The following NOXA1 variants were observed in gnomAD, a reference collection of about 807,000 sequenced individuals.
The protein encoded by NOXA1 is NCF2-like protein.
Under a neutral mutation model 64.8 loss-of-function variants are expected in NOXA1, and 56 were observed. The observed-to-expected ratio is 0.86, with a 90% CI of 0.70 to 1.08. The LOEUF is 1.08. NOXA1 is among the 50% of genes least tolerant of loss of function. NOXA1 has a pLI of 0.00. For missense variants in NOXA1, 668 were observed against 658.5 expected (o/e 1.01, Z -0.16); for synonymous variants, 295 against 294.8 (o/e 1.00, Z -0.01).
intron 8 of NOXA1, among the ~76,000 whole-genome samples, chr9:137,432,805 G>A (rs1839168948): frequency 6.6e-6 from 1 of 152,132 alleles, no homozygotes; most frequent in South Asian, 2.1e-4. Context: ...CTTGGGGGAC[G>A]GGGCGCTCCC....
rs146657444 is a variant in NOXA1 at position 137,428,118 on chromosome 9, C to T, written c.346C>T (p.Arg116Trp). ...AAIDYTQLGLRFKLQAWEVLH... is the reference protein window; with the variant it reads ...AAIDYTQLGLWFKLQAWEVLH... ...CATCGACTACACGCAGCTGGGCCTG[C>T]GGTTCAAGCTGCAAGCCTGGGAGGT... The change falls in exon 3 of 14, where the codon CGG becomes TGG. Residue 116 changes from arginine (R) to tryptophan (W), a missense_variant. Transcript: ENST00000683555. 6,962 of 1,573,906 alleles carry T rather than the reference C, an allele frequency of 4.4e-3. 28 individuals are homozygous for T. Among genetic ancestry groups the T allele is most frequent in the Admixed American group, 0.01 (542 of 54,082 alleles).
In NOXA1 at chr9:137,431,217, G is replaced by GC. The variant is rs1399806180; in HGVS notation, c.699-17dup. 6.2e-7 allele frequency: 1 copy of GC among 1,609,314 alleles called. No individual in the cohort carries two copies. Among genetic ancestry groups the GC allele is most frequent in the African/African-American group, 1.3e-5 (1 of 74,864 alleles). On this transcript the variant is annotated intron_variant, in intron 7 of 13. Coordinates refer to ENST00000683555, the MANE Select transcript of NOXA1 (RefSeq NM_001256067.2). This position sits in a 1 kb window ranked among gnomAD's most constrained non-coding sequence, Gnocchi z 5.6. Reference sequence around the variant, plus strand: ...GCAGTCAGATGGGCAGGGCCTGAGAGCCTCCCTCCTCTCCCTAGGTCCCTA... The same window carrying GC: ...GCAGTCAGATGGGCAGGGCCTGAGAGCCCTCCCTCCTCTCCCTAGGTCCCTA...
intron 1 of NOXA1, 43 bp downstream of exon 1, chr9:137,423,749 C>G (rs1838684205): frequency 8.1e-7 from 1 of 1,228,412 alleles, no homozygotes; most frequent in African/African-American, 1.6e-5. Flanking sequence ...ACGCCTCCGC[C>G]TCGAGCCCCT....
chr9:137,433,954 T>C lies in NOXA1; in HGVS notation c.1180-11T>C. 6.5e-7 allele frequency: 1 copy of C among 1,540,868 alleles called. No homozygotes were observed. The highest frequency in any genetic ancestry group is 1.2e-5 in the South Asian group (1 of 83,772). On this transcript the variant is annotated splice_polypyrimidine_tract_variant and intron_variant, in intron 12 of 13. Coordinates refer to ENST00000683555, the MANE Select transcript of NOXA1 (RefSeq NM_001256067.2). ...GCCCGGCCCGACCTGCAGCCCACTC[T>C]CCTGCCTCAGGGAGCCGGGGGTCGG...
Position 137,432,566 on chromosome 9 carries a change from C to T in NOXA1, c.805-463C>T, listed in dbSNP as rs375951244. ...CTGCACTCCAGCCTGGGCGACAGAGCGAGACTCCCTCTCAAAAAACAACAG... is the reference window on the plus strand; with the variant it reads ...CTGCACTCCAGCCTGGGCGACAGAGTGAGACTCCCTCTCAAAAAACAACAG... On this transcript the variant is annotated intron_variant, in intron 8 of 13. Coordinates refer to ENST00000683555, the MANE Select transcript of NOXA1 (RefSeq NM_001256067.2). Among the ~76,000 whole-genome samples, 20 of 152,304 alleles carry T rather than the reference C, an allele frequency of 1.3e-4. No individual in the cohort carries two copies. The South Asian group carries it at 3.5e-3, about 27-fold the overall frequency.
At chr9:137,428,825 G>A (rs1388510299) in intron 3 of NOXA1, 57 bp from the exon 4 acceptor site, 32 of 1,500,406 alleles carry the variant, frequency 2.1e-5, no homozygotes, top group South Asian at 3.7e-5. Context: ...TGGGGGAACC[G>A]GGAGAGGGCC....
chr9:137,432,361 C>T (rs1412875235), intron 8 of NOXA1, among the ~76,000 whole-genome samples: 1 of 151,526 alleles, frequency 6.6e-6, no homozygotes, highest in Non-Finnish European at 1.5e-5. Flanking sequence ...AGGCGGATCA[C>T]AAGATCAGGA....
intron 11 of NOXA1, 70 bp from the exon 12 acceptor site, chr9:137,433,680 G>A (rs758447531): frequency 1.3e-6 from 2 of 1,507,214 alleles, no homozygotes; most frequent in African/African-American, 1.4e-5. Context: ...CTGGAAGAGG[G>A]GGTGGCAGAG....
At chr9:137,427,745 G>A (rs889792198) in intron 2 of NOXA1, among the ~76,000 whole-genome samples, 4 of 152,202 alleles carry the variant, frequency 2.6e-5, no homozygotes, top group Admixed American at 1.3e-4. Context: ...CTCTCTGCAC[G>A]GTTCAGAAGA....
Position 137,434,059 on chromosome 9 carries a change from C to G in NOXA1, c.1274C>G (p.Thr425Arg), listed in dbSNP as rs765798893. ...PEDLGFRQGD[T>R]VDVLCEVDQA... is the part of the protein sequence containing the mutation. ...GACCTGGGCTTCCGACAGGGGGACA[C>G]GGTGGACGTCCTGTGTGAAGGTAGG... Residue 425 changes from threonine (T) to arginine (R), a missense_variant, in exon 13 of 14, where the codon ACG (threonine) becomes AGG (arginine). Thr to Arg is a moderately conservative substitution (Grantham distance 71). Transcript: ENST00000683555. The G allele has an allele frequency of 5.1e-6, 8 of 1,578,674 alleles. No individual in the cohort carries two copies. The highest frequency in any genetic ancestry group is 6.0e-6 in the Non-Finnish European group (7 of 1,167,016).
chr9:137,433,161 C>A, intron 9 of NOXA1, 44 bp from the exon 10 acceptor site: 1 of 1,609,488 alleles, frequency 6.2e-7, no homozygotes, highest in Non-Finnish European at 8.5e-7. Context: ...CCACAGGGCC[C>A]ACTTTGGTGG....
At chr9:137,433,379 C>T (rs1839204859) in intron 10 of NOXA1, 74 bp from the exon 11 acceptor site, 3 of 1,516,280 alleles carry the variant, frequency 2.0e-6, no homozygotes, top group African/African-American at 1.4e-5. Flanking sequence ...CTGTCCACAC[C>T]CCTCGGGCTG....
chr9:137,424,724 C>T (rs1450303038), intron 1 of NOXA1, among the ~76,000 whole-genome samples: 1 of 152,210 alleles, frequency 6.6e-6, no homozygotes, highest in Non-Finnish European at 1.5e-5. Flanking sequence ...ACATGTGAGC[C>T]ACCTTGTCCG....
Position 137,433,978 on chromosome 9 carries a change from G to A in NOXA1, c.1193G>A (p.Arg398Gln), listed in dbSNP as rs200100435. 3,364 of 1,549,980 alleles carry A rather than the reference G, an allele frequency of 2.2e-3. 7 individuals are homozygous for A. The highest frequency in any genetic ancestry group is 4.6e-3 in the South Asian group (391 of 84,550). ...LQLQCRGAGG[R>Q]PVLYQVVAQH... ...CTCCTGCCTCAGGGAGCCGGGGGTCGGCCGGTCCTCTACCAGGTGGTGGCC... is the reference window on the plus strand; with the variant it reads ...CTCCTGCCTCAGGGAGCCGGGGGTCAGCCGGTCCTCTACCAGGTGGTGGCC... Residue 398 changes from arginine (R) to glutamine (Q), a missense_variant, in exon 13 of 14, where the codon CGG becomes CAG. Physicochemically the swap from Arg to Gln is conservative, Grantham distance 43. Coordinates refer to ENST00000683555, the MANE Select transcript of NOXA1 (RefSeq NM_001256067.2).
At chr9:137,430,906 T>C in intron 6 of NOXA1, 63 bp downstream of exon 6, 3 of 1,546,510 alleles carry the variant, frequency 1.9e-6, no homozygotes, top group South Asian at 1.2e-5. Context: ...AAGAAAATGC[T>C]GCACAAGCTC....
At chr9:137,432,028 C>A (rs958109192) in intron 8 of NOXA1, among the ~76,000 whole-genome samples, 1 of 152,206 alleles carries the variant, frequency 6.6e-6, no homozygotes, top group Non-Finnish European at 1.5e-5. Flanking sequence ...CTAATTCCCT[C>A]AGGGTTTGGA....
chr9:137,430,835 C>T lies in NOXA1; in HGVS notation c.664C>T (p.Gln222Ter). Reference sequence around the variant, plus strand: ...CCAGGGCTGGGGCGTCCGCCCTCAGCAGCCACAGGTGGGTTTGCGGCCCCT... The same window carrying T: ...CCAGGGCTGGGGCGTCCGCCCTCAGTAGCCACAGGTGGGTTTGCGGCCCCT... ...DDQGWGVRPQ[Q>*]PQGPGANHDA... Residue 222 changes from glutamine (Q) to a stop codon, truncating the protein, a stop_gained, in exon 6 of 14, where the codon CAG becomes TAG. Transcript: ENST00000683555. LOFTEE classifies it high-confidence loss of function. 1 of 1,587,742 alleles carries T rather than the reference C, an allele frequency of 6.3e-7. No individual in the cohort carries two copies. Among genetic ancestry groups the T allele is most frequent in the Non-Finnish European group, 8.5e-7 (1 of 1,170,234 alleles).
At chr9:137,428,457 TG>T (rs1471792484) in intron 3 of NOXA1, among the ~76,000 whole-genome samples, 1 of 151,690 alleles carries the variant, frequency 6.6e-6, no homozygotes, top group East Asian at 1.9e-4. Flanking sequence ...CCTGGCTGCC[TG>T]GAACGTGTTG....
chr9:137,432,278 T>TAAA lies in NOXA1; in HGVS notation c.805-751_805-750insAAA, dbSNP rs1410283327. ...CTGGGCAAGACAGCAAGACCCTGTC[T>TAAA]CAAAAAAAAAAAAAAAAAAAGCCAG... On this transcript the variant is annotated intron_variant, in intron 8 of 13. Coordinates refer to ENST00000683555, the MANE Select transcript of NOXA1 (RefSeq NM_001256067.2). 7.1e-3 allele frequency among the ~76,000 whole-genome samples: 782 copies of TAAA among 110,270 alleles called. 18 individuals are homozygous for TAAA. The highest frequency in any genetic ancestry group is 0.015 in the African/African-American group (382 of 25,428). The allele number at this position is 110,270 out of a possible 152,430, so 72.3% of individuals were successfully genotyped here. A position where few individuals can be genotyped will look rare whatever the true frequency, so the allele number is the denominator to read the frequency against.
Sources: gnomAD v4.1 joint callset for allele counts (sites outside exome capture counted in the v4.1 genomes callset) on GRCh38, gnomAD v4.1.1 for gene constraint, Gnocchi (gnomAD v3.1) non-coding constraint, MANE v1.5 for transcripts, NCBI Gene and HGNC (gene_info 2026-07-23, HGNC 2026-07-21) for gene names.